Variants in STRA6 observed in about 807,000 individuals in gnomAD.
STRA6 encodes signaling receptor and transporter of retinol STRA6, also known as receptor for retinol uptake STRA6.
STRA6 carries 48 observed loss-of-function variants against 83.6 expected under a neutral mutation model. That is an observed-to-expected ratio of 0.57 (90% CI 0.46 to 0.73). The LOEUF (loss-of-function observed/expected upper bound fraction) is 0.73. Among genes scored for constraint, STRA6 ranks in the 30% least tolerant of loss-of-function variants. The pLI is 0.00. For synonymous variants in STRA6, 353 were observed against 362.3 expected, an observed-to-expected ratio of 0.97 and a Z score of 0.29; for missense variants, 760 against 838.8, an observed-to-expected ratio of 0.91 and a Z score of 1.16.
At chr15:74,191,298 G>T in intron 9 of STRA6, 55 bp from the exon 10 acceptor site, 1 of 1,611,510 alleles carries the variant, frequency 6.2e-7, no homozygotes, top group Non-Finnish European at 8.5e-7. Flanking sequence ...ATTCCCTGAG[G>T]GCCAGCCCCA....
At position 74,188,779 on chromosome 15, in the gene STRA6, C is replaced by T. The variant is rs2073384183; in HGVS notation, c.1090+336G>A. Among the ~76,000 whole-genome samples, 1 of 152,162 alleles carries T rather than the reference C, an allele frequency of 6.6e-6. No individual in the cohort carries two copies. The highest frequency in any genetic ancestry group is 1.5e-5 in the Non-Finnish European group (1 of 68,032). The stretch of plus-strand genomic sequence containing the variant: ...AATCCTCACCATCTCCCTTCGCCGT[C>T]TCTTCCCTCCTTCCCCACCCTCAGC... On this transcript the variant is annotated intron_variant, in intron 12 of 18. Coordinates refer to ENST00000395105, the MANE Select transcript of STRA6 (RefSeq NM_022369.4). This position sits in a 1 kb window ranked among gnomAD's most constrained non-coding sequence, Gnocchi z 4.5.
At position 74,180,003 on chromosome 15, in the gene STRA6, G is replaced by A; in HGVS notation, c.*77C>T. 1 of 1,566,346 alleles carries A rather than the reference G, an allele frequency of 6.4e-7. No individual in the cohort carries two copies. The highest frequency in any genetic ancestry group is 8.7e-7 in the Non-Finnish European group (1 of 1,146,044). On this transcript the variant is annotated 3_prime_UTR_variant, in exon 19 of 19. Coordinates refer to ENST00000395105, the MANE Select transcript of STRA6 (RefSeq NM_022369.4). ...CATGGCTGGTGTGATGCTGGGAGGA[G>A]AGCCGGGGAGGGAGGAGGATGGTAG...
intron 8 of STRA6, among the ~76,000 whole-genome samples, chr15:74,192,167 C>G (rs979474473): frequency 1.3e-5 from 2 of 152,164 alleles, no homozygotes; most frequent in African/African-American, 4.8e-5. Context: ...CCTCTTTGAC[C>G]AAAGTCCAAA....
intron 8 of STRA6, among the ~76,000 whole-genome samples, chr15:74,193,012 G>T (rs952994646): frequency 2.6e-5 from 4 of 152,196 alleles, no homozygotes; most frequent in Non-Finnish European, 5.9e-5. Context: ...CATATGGTAG[G>T]TGCTTAGAAG....
chr15:74,190,069 G>A (rs1187331577), intron 11 of STRA6, among the ~76,000 whole-genome samples: 39 of 152,142 alleles, frequency 2.6e-4, no homozygotes, highest in Admixed American at 2.4e-3. Context: ...CTACACCATC[G>A]TATATCAGAA....
intron 12 of STRA6, 25 bp from the exon 13 acceptor site, chr15:74,185,080 T>C: frequency 6.2e-7 from 1 of 1,612,094 alleles, no homozygotes; most frequent in Non-Finnish European, 8.5e-7. Flanking sequence ...ATGAGCAAAG[T>C]GAGAGGTCAG....
chr15:74,189,155 C>G lies in STRA6; in HGVS notation c.1050G>C (p.Glu350Asp), dbSNP rs2073404685. ...GATGGTGCTTCACCAGCTCCACCAC[C>G]TCCTGCTTGTCCTCGGAGAGCACGA... ...FGIVLSEDKQ[E>D]VVELVKHHLW... is the part of the protein sequence containing the mutation. The change falls in exon 12 of 19, where the codon GAG (glutamate) becomes GAC (aspartate). Residue 350 changes from glutamate to aspartate, a missense_variant. Transcript: ENST00000395105. The G allele has an allele frequency of 6.2e-7, 1 of 1,614,176 alleles. No individual in the cohort carries two copies. Among genetic ancestry groups the G allele is most frequent in the Non-Finnish European group, 8.5e-7 (1 of 1,180,040 alleles).
chr15:74,186,705 A>C (rs2073265815), intron 12 of STRA6, among the ~76,000 whole-genome samples: 1 of 152,116 alleles, frequency 6.6e-6, no homozygotes, highest in Non-Finnish European at 1.5e-5. Flanking sequence ...CAGGAGGTGG[A>C]GGTTGCAGTG....
At chr15:74,205,080 A>G (rs1478092062), upstream of STRA6, among the ~76,000 whole-genome samples, 4 of 152,300 alleles carry the variant, frequency 2.6e-5, no homozygotes, top group African/African-American at 9.6e-5. Flanking sequence ...GGCTTAGGGG[A>G]GACAACACCA....
intron 8 of STRA6, among the ~76,000 whole-genome samples, chr15:74,193,506 A>G (rs536135803): frequency 1.3e-4 from 20 of 152,262 alleles, no homozygotes; most frequent in African/African-American, 4.8e-4. Flanking sequence ...GCCAGATCTC[A>G]GTGTTTCACA....
upstream of STRA6, among the ~76,000 whole-genome samples, chr15:74,206,682 C>T (rs1294877377): frequency 6.6e-6 from 1 of 152,124 alleles, no homozygotes; most frequent in African/African-American, 2.4e-5. Context: ...CTTGCAGGCT[C>T]CCTGGAGGAG....
intron 7 of STRA6, among the ~76,000 whole-genome samples, 162 bp from the exon 8 acceptor site, chr15:74,194,084 C>T (rs746893353): frequency 6.6e-6 from 1 of 152,180 alleles, no homozygotes; most frequent in African/African-American, 2.4e-5. Context: ...CCAGCGCAAA[C>T]CTGCCCACTT....
chr15:74,206,441 G>C (rs1047245841), upstream of STRA6, among the ~76,000 whole-genome samples: 6 of 152,206 alleles, frequency 3.9e-5, no homozygotes, highest in African/African-American at 1.4e-4. Context: ...TGGGAAGACG[G>C]CAGGAGGCAA....
At chr15:74,197,445 G>A in intron 3 of STRA6, 22 bp from the exon 4 acceptor site, 15 of 1,546,626 alleles carry the variant, frequency 9.7e-6, no homozygotes, top group Non-Finnish European at 1.2e-5. Flanking sequence ...GTGCAGAGGA[G>A]GGCTTGGGGT....
intron 5 of STRA6, 146 bp from the exon 6 acceptor site, chr15:74,195,821 T>TA (rs1248793863): frequency 1.0e-6 from 1 of 970,454 alleles, no homozygotes; most frequent in African/African-American, 1.6e-5. Flanking sequence ...ATGGGGCTAA[T>TA]ATGCATACTT....
Position 74,179,918 on chromosome 15 carries a change from A to G in STRA6, c.*162T>C, listed in dbSNP as rs550792409. 18 of 938,288 alleles carry G rather than the reference A, an allele frequency of 1.9e-5. No individual in the cohort carries two copies. The highest frequency in any genetic ancestry group is 1.6e-5 in the Non-Finnish European group (10 of 624,972). 58.1% of individuals were successfully genotyped at this position (938,288 alleles called of 1,614,324 possible). On this transcript the variant is annotated 3_prime_UTR_variant, in exon 19 of 19. Coordinates refer to ENST00000395105, the MANE Select transcript of STRA6 (RefSeq NM_022369.4). ...AAGTGGGTGGAGCAGAGCCCTCCTG[A>G]GGCTCCCAGTGCAGACAGACCTCCA...
At chr15:74,186,606 T>TCAAAA (rs778954546) in intron 12 of STRA6, among the ~76,000 whole-genome samples, 1 of 147,728 alleles carries the variant, frequency 6.8e-6, no homozygotes, top group Non-Finnish European at 1.5e-5. Context: ...AGACTCCGTC[T>TCAAAA]CAAAACAAAA....
At chr15:74,194,959 C>T (rs2073738565) in intron 7 of STRA6, 2 of 1,429,980 alleles carry the variant, frequency 1.4e-6, no homozygotes, top group African/African-American at 1.4e-5. Context: ...CACTCCCATT[C>T]CCTCTCCAGC....
intron 16 of STRA6, 146 bp from the exon 17 acceptor site, chr15:74,181,604 C>A: frequency 8.7e-7 from 1 of 1,149,606 alleles, no homozygotes; most frequent in Non-Finnish European, 1.2e-6. Flanking sequence ...CCACCCTGGG[C>A]AAGGCCTTCT....
Sources: gnomAD v4.1 joint callset for allele counts (sites outside exome capture counted in the v4.1 genomes callset) on GRCh38, gnomAD v4.1.1 for gene constraint, Gnocchi (gnomAD v3.1) non-coding constraint, MANE v1.5 for transcripts, NCBI Gene and HGNC (gene_info 2026-07-23, HGNC 2026-07-21) for gene names.